Variants in ZNF713 observed in about 807,000 individuals in gnomAD.
ZNF713 encodes zinc finger protein 713.
Under a neutral mutation model 28.7 loss-of-function variants are expected in ZNF713, and 21 were observed. The ratio of observed to expected loss-of-function variants is 0.73; its 90% CI spans 0.52 to 1.05. The LOEUF (loss-of-function observed/expected upper bound fraction) is 1.05, where lower values mean the gene tolerates loss of function less well. Among genes scored for constraint, ZNF713 ranks in the 50% least tolerant of loss-of-function variants. ZNF713 has a pLI of 0.00. For synonymous variants in ZNF713, 167 were observed against 178.0 expected (o/e 0.94, Z 0.49); for missense variants, 458 against 532.4 (o/e 0.86, Z 1.37).
intron 6 of ZNF713, among the ~76,000 whole-genome samples, chr7:55,934,975 G>A (rs1316609934): frequency 2.1e-5 from 3 of 144,044 alleles, no homozygotes; most frequent in Non-Finnish European, 3.0e-5. Context: ...TGCAACCTCC[G>A]CCTCCTGGGT....
At chr7:55,904,463 TAAA>T (rs71015118) in intron 1 of ZNF713, among the ~76,000 whole-genome samples, 2 of 41,286 alleles carry the variant, frequency 4.8e-5, no homozygotes, top group African/African-American at 8.8e-5. Flanking sequence ...ACTGTATCTT[TAAA>T]AAAAAAAAAA....
At chr7:55,922,537 C>CAAAAAAAAAAAAAAAAAAAAA (rs71015126) in intron 4 of ZNF713, among the ~76,000 whole-genome samples, 1 of 86,460 alleles carries the variant, frequency 1.2e-5, no homozygotes, top group Non-Finnish European at 2.3e-5. Context: ...GACTCTGTCT[C>CAAAAAAAAAAAAAAAAAAAAA]AAAAAAAAAA....
intron 2 of ZNF713, among the ~76,000 whole-genome samples, chr7:55,907,500 T>C (rs1249847532): frequency 2.0e-5 from 3 of 152,220 alleles, no homozygotes; most frequent in Non-Finnish European, 4.4e-5. Flanking sequence ...CGTGCAGGTT[T>C]GTTACATAGA....
At chr7:55,894,331 T>G (rs1785436904) in intron 1 of ZNF713, among the ~76,000 whole-genome samples, 1 of 152,190 alleles carries the variant, frequency 6.6e-6, no homozygotes, top group African/African-American at 2.4e-5. Context: ...TCCCTTTACT[T>G]TATACTACCT....
intron 6 of ZNF713, among the ~76,000 whole-genome samples, chr7:55,936,277 A>AAAG (rs1786344151): frequency 6.6e-6 from 1 of 151,602 alleles, no homozygotes; most frequent in African/African-American, 2.4e-5. Context: ...AAAAAAAAAA[A>AAAG]AAAATCTGAG....
At chr7:55,937,759 TAGTC>T (rs1302761943) in intron 6 of ZNF713, among the ~76,000 whole-genome samples, 24 of 151,756 alleles carry the variant, frequency 1.6e-4, no homozygotes, top group Non-Finnish European at 2.9e-4. Context: ...ATCAAAATAT[TAGTC>T]AGGCATGGTG....
chr7:55,938,288 T>A (rs941914179), intron 6 of ZNF713, among the ~76,000 whole-genome samples: 5 of 151,292 alleles, frequency 3.3e-5, no homozygotes, highest in African/African-American at 9.7e-5. Flanking sequence ...ATACCTCCAC[T>A]AAGTAAAGTT....
chr7:55,893,966 A>G (rs1785431468), intron 1 of ZNF713, among the ~76,000 whole-genome samples: 1 of 152,174 alleles, frequency 6.6e-6, no homozygotes, highest in South Asian at 2.1e-4. Context: ...GGGTGAGAGA[A>G]AGGAGGGCAG....
intron 2 of ZNF713, among the ~76,000 whole-genome samples, chr7:55,910,872 C>T (rs971218395): frequency 2.0e-5 from 3 of 152,202 alleles, no homozygotes; most frequent in Non-Finnish European, 2.9e-5. Flanking sequence ...CCTCCAGCCA[C>T]GGTCATTCTC....
chr7:55,935,663 A>G (rs1172094729), intron 6 of ZNF713, among the ~76,000 whole-genome samples: 3 of 152,056 alleles, frequency 2.0e-5, no homozygotes, highest in Non-Finnish European at 4.4e-5. Context: ...GCTATAAGAA[A>G]GATCTAACGG....
In ZNF713 at chr7:55,898,929, A is replaced by G. The variant is rs58504952; in HGVS notation, c.-582-7324A>G. 6.9e-3 allele frequency among the ~76,000 whole-genome samples: 1,044 copies of G among 152,314 alleles called. 12 individuals are homozygous for G. The highest frequency in any genetic ancestry group is 0.023 in the African/African-American group (971 of 41,558). Reference sequence around the variant, plus strand: ...TAAGAGAGCACTCACCCCTGTTAGAATGGCTTATTATCAAAAAGACAAAAG... The same window carrying G: ...TAAGAGAGCACTCACCCCTGTTAGAGTGGCTTATTATCAAAAAGACAAAAG... On this transcript the variant is annotated intron_variant, in intron 1 of 6. Coordinates refer to ENST00000429591, the MANE Select transcript of ZNF713 (RefSeq NM_182633.3).
At chr7:55,891,909 AG>A (rs1785386928) in intron 1 of ZNF713, among the ~76,000 whole-genome samples, 1 of 152,228 alleles carries the variant, frequency 6.6e-6, no homozygotes, top group Non-Finnish European at 1.5e-5. Context: ...ATTAAATCAT[AG>A]AAAAAAAGTA....
intron 1 of ZNF713, among the ~76,000 whole-genome samples, chr7:55,905,058 A>G (rs900136495): frequency 1.1e-4 from 17 of 152,154 alleles, no homozygotes; most frequent in Non-Finnish European, 2.1e-4. Flanking sequence ...TCTTCTCTTC[A>G]CTTTCTTCCC....
At chr7:55,928,382 A>G (rs1786142961) in intron 6 of ZNF713, among the ~76,000 whole-genome samples, 1 of 152,204 alleles carries the variant, frequency 6.6e-6, no homozygotes, top group African/African-American at 2.4e-5. Flanking sequence ...GTGATTTGAC[A>G]AGTCTAGGAA....
intron 4 of ZNF713, among the ~76,000 whole-genome samples, chr7:55,915,894 G>A (rs1022941129): frequency 1.2e-4 from 18 of 152,158 alleles, no homozygotes; most frequent in African/African-American, 3.9e-4. Flanking sequence ...AATCATCCTG[G>A]TGCTATATAC....
intron 1 of ZNF713, among the ~76,000 whole-genome samples, chr7:55,889,349 A>AC (rs1785336497): frequency 6.6e-6 from 1 of 151,994 alleles, no homozygotes; most frequent in Non-Finnish European, 1.5e-5. Flanking sequence ...TGATCCGCCC[A>AC]CCTCGGCCTC....
At chr7:55,903,649 A>G (rs1430869805) in intron 1 of ZNF713, among the ~76,000 whole-genome samples, 1 of 150,042 alleles carries the variant, frequency 6.7e-6, no homozygotes, top group East Asian at 2.0e-4. Flanking sequence ...CCTGGGCAAC[A>G]GAGCCAGACT....
At chr7:55,920,298 T>C (rs1238796701) in intron 4 of ZNF713, among the ~76,000 whole-genome samples, 1 of 152,246 alleles carries the variant, frequency 6.6e-6, no homozygotes, top group Non-Finnish European at 1.5e-5. Context: ...AAGCTTGGCC[T>C]CTTGGGCCAA....
intron 4 of ZNF713, among the ~76,000 whole-genome samples, chr7:55,919,599 G>A (rs536497802): frequency 2.1e-5 from 3 of 143,830 alleles, no homozygotes; most frequent in East Asian, 2.1e-4. Flanking sequence ...TCCACCTCCC[G>A]GGTTCAAGCA....
Sources: gnomAD v4.1 joint callset for allele counts (sites outside exome capture counted in the v4.1 genomes callset) on GRCh38, gnomAD v4.1.1 for gene constraint, MANE v1.5 for transcripts, NCBI Gene and HGNC (gene_info 2026-07-23, HGNC 2026-07-21) for gene names.